CNTLN: variants seen among roughly 807,000 people sequenced by gnomAD.
The protein encoded by CNTLN is centlein.
CNTLN carries 212 observed loss-of-function variants against 180.0 expected under a neutral mutation model. The observed-to-expected ratio is 1.18, with a 90% CI of 1.05 to 1.32. The LOEUF is 1.32. Among genes scored for constraint, CNTLN ranks in the 40% most tolerant of loss-of-function variants. The pLI, the probability that CNTLN is intolerant of heterozygous loss-of-function variation, is 0.00. For synonymous variants in CNTLN, 722 were observed against 563.1 expected (o/e 1.28, Z -3.99); for missense variants, 2,095 against 1,610.9 (o/e 1.30, Z -5.14).
intron 5 of CNTLN, among the ~76,000 whole-genome samples, chr9:17,256,949 A>G (rs971308248): frequency 6.6e-6 from 1 of 151,808 alleles, no homozygotes; most frequent in Non-Finnish European, 1.5e-5. Flanking sequence ...GTCCAGACCA[A>G]TGACCTCCTA....
intron 18 of CNTLN, among the ~76,000 whole-genome samples, chr9:17,426,623 C>T (rs1288012468): frequency 5.3e-5 from 8 of 151,788 alleles, no homozygotes; most frequent in Admixed American, 5.2e-4. Flanking sequence ...TTGTTCTCTT[C>T]TTGGACTTTA....
intron 18 of CNTLN, 77 bp downstream of exon 18, chr9:17,416,266 GT>G: frequency 8.1e-7 from 1 of 1,232,220 alleles, no homozygotes; most frequent in Non-Finnish European, 1.1e-6. Flanking sequence ...GTATTATTTA[GT>G]TTATATTTGT....
Position 17,227,467 on chromosome 9 carries a change from C to T in CNTLN, c.534+1180C>T, listed in dbSNP as rs143736700. On this transcript the variant is annotated intron_variant, in intron 3 of 25. Coordinates refer to ENST00000380647, the MANE Select transcript of CNTLN (RefSeq NM_017738.4). ...AAAGAAATTTAAGAGTGGCTAATAT[C>T]GTTATATAATATTTAAATTCATTTT... 1.6e-3 allele frequency among the ~76,000 whole-genome samples: 241 copies of T among 151,908 alleles called. 2 individuals carry two copies. The highest frequency in any genetic ancestry group is 5.5e-3 in the African/African-American group (228 of 41,486).
intron 8 of CNTLN, among the ~76,000 whole-genome samples, chr9:17,311,231 G>C (rs1431936556): frequency 6.6e-6 from 1 of 151,696 alleles, no homozygotes; most frequent in East Asian, 2.0e-4. Context: ...CACCATGTTG[G>C]TCAAGCTGGT....
chr9:17,324,067 G>T (rs1820102850), intron 8 of CNTLN, among the ~76,000 whole-genome samples: 1 of 152,098 alleles, frequency 6.6e-6, no homozygotes, highest in Non-Finnish European at 1.5e-5. Flanking sequence ...TATGATTGAG[G>T]TTTTAATGTA....
rs535670935 is a variant in CNTLN at position 17,253,073 on chromosome 9, C to G, written c.849+16485C>G. Among the ~76,000 whole-genome samples, 29 of 151,620 alleles carry G rather than the reference C, an allele frequency of 1.9e-4. No homozygotes were observed. The South Asian group carries it at 6.0e-3, about 32-fold the overall frequency. ...CTTAGTTGCTTTGTTGAAGATCAGT[C>G]AGCTATGAATTGGTGGATTTACTTC... On this transcript the variant is annotated intron_variant, in intron 5 of 25. Transcript: ENST00000380647.
chr9:17,490,427 G>A (rs1310835431), intron 25 of CNTLN, among the ~76,000 whole-genome samples: 1 of 152,064 alleles, frequency 6.6e-6, no homozygotes, highest in Admixed American at 6.6e-5. Context: ...TGATATCTTT[G>A]GAGGTTTAGG....
At chr9:17,431,429 A>G (rs1344325458) in intron 18 of CNTLN, among the ~76,000 whole-genome samples, 2 of 151,922 alleles carry the variant, frequency 1.3e-5, no homozygotes, top group African/African-American at 2.4e-5. Context: ...AGTTCTTTGT[A>G]TATTATTGTT....
At chr9:17,375,570 T>C (rs886098390) in intron 13 of CNTLN, among the ~76,000 whole-genome samples, 1 of 152,220 alleles carries the variant, frequency 6.6e-6, no homozygotes, top group African/African-American at 2.4e-5. Context: ...ATACTCATTT[T>C]TATTATTCAT....
intron 5 of CNTLN, among the ~76,000 whole-genome samples, chr9:17,256,901 A>G (rs113677158): frequency 1.2e-4 from 18 of 151,940 alleles, no homozygotes; most frequent in African/African-American, 3.6e-4. Context: ...GAATGATTCC[A>G]TTTTGGTTTG....
In CNTLN at chr9:17,376,588, A is replaced by G. The variant is rs564679965; in HGVS notation, c.1987+9871A>G. On this transcript the variant is annotated intron_variant, in intron 13 of 25. Coordinates refer to ENST00000380647, the MANE Select transcript of CNTLN (RefSeq NM_017738.4). Reference sequence around the variant, plus strand: ...TGCCTCAGCCTCCCAAGTAGCTGGGACTGCAGGCGCCCACCACCTTGCCCG... The same window carrying G: ...TGCCTCAGCCTCCCAAGTAGCTGGGGCTGCAGGCGCCCACCACCTTGCCCG... Among the ~76,000 whole-genome samples, 8 of 151,996 alleles carry G rather than the reference A, an allele frequency of 5.3e-5. No individual in the cohort carries two copies. The East Asian group carries it at 1.6e-3, about 30-fold the overall frequency.
At chr9:17,385,362 G>C (rs1306852956) in intron 13 of CNTLN, among the ~76,000 whole-genome samples, 1 of 152,120 alleles carries the variant, frequency 6.6e-6, no homozygotes, top group South Asian at 2.1e-4. Flanking sequence ...GAGGCCTGGT[G>C]GTGGGGCTGG....
chr9:17,263,199 C>A (rs1217030116), intron 5 of CNTLN, among the ~76,000 whole-genome samples: 2 of 124,098 alleles, frequency 1.6e-5, no homozygotes, highest in African/African-American at 3.2e-5. Flanking sequence ...CCCCTCCCCC[C>A]ACCCCACAAC....
At chr9:17,190,479 A>G (rs1353544530) in intron 2 of CNTLN, among the ~76,000 whole-genome samples, 3 of 152,076 alleles carry the variant, frequency 2.0e-5, no homozygotes, top group Non-Finnish European at 4.4e-5. Context: ...TATAATTTTA[A>G]CATGGCTATT....
chr9:17,292,080 A>T (rs565070238), intron 6 of CNTLN, among the ~76,000 whole-genome samples: 1 of 152,292 alleles, frequency 6.6e-6, no homozygotes, highest in Admixed American at 6.5e-5. Flanking sequence ...CTGGAAATGA[A>T]ATTCAGGATT....
intron 18 of CNTLN, among the ~76,000 whole-genome samples, chr9:17,423,331 G>A (rs117811176): frequency 0.014 from 2,149 of 152,242 alleles, 20 homozygotes; most frequent in Non-Finnish European, 0.023. Flanking sequence ...TCTGGCCCAG[G>A]GTGGGTCTAG....
At chr9:17,285,471 G>A (rs1238414856) in intron 6 of CNTLN, among the ~76,000 whole-genome samples, 2 of 145,948 alleles carry the variant, frequency 1.4e-5, no homozygotes, top group Non-Finnish European at 3.0e-5. Context: ...ACATACGTGT[G>A]CATGTGTCTT....
chr9:17,423,782 CA>C (rs1231692317), intron 18 of CNTLN, among the ~76,000 whole-genome samples: 1 of 152,156 alleles, frequency 6.6e-6, no homozygotes, highest in African/African-American at 2.4e-5. Flanking sequence ...TGGGCACCAG[CA>C]GAATTCCGCC....
At chr9:17,356,640 C>G (rs974673646) in intron 12 of CNTLN, among the ~76,000 whole-genome samples, 5 of 152,176 alleles carry the variant, frequency 3.3e-5, no homozygotes, top group Admixed American at 6.5e-5. Context: ...TCTGTGTGAC[C>G]TTTTGTGCTG....
Sources: allele counts gnomAD v4.1 joint callset (sites outside exome capture counted in the v4.1 genomes callset), GRCh38; gene constraint gnomAD v4.1.1; transcripts MANE v1.5; gene names NCBI Gene and HGNC (gene_info 2026-07-23, HGNC 2026-07-21).